Variants in FRMD4B observed in about 807,000 individuals in gnomAD.
FRMD4B encodes FERM domain-containing protein 4B.
A neutral mutation model predicts 141.5 loss-of-function variants in FRMD4B; 74 were observed. The observed-to-expected ratio is 0.52, with a 90% confidence interval of 0.43 to 0.63. The LOEUF is 0.63. Ranked by LOEUF, FRMD4B falls within the 30% of genes least tolerant of loss-of-function variation. The pLI, the probability that FRMD4B is intolerant of heterozygous loss-of-function variation, is 0.00. For missense variants in FRMD4B, 1,366 were observed against 1,253.4 expected (o/e 1.09, Z -1.36); for synonymous variants, 506 against 467.9 (o/e 1.08, Z -1.05).
intron 7 of FRMD4B, among the ~76,000 whole-genome samples, chr3:69,229,382 G>C (rs749711853): frequency 3.9e-5 from 6 of 152,092 alleles, no homozygotes; most frequent in East Asian, 1.9e-4. Flanking sequence ...GTTAGAAAAG[G>C]CTCCTGTTAA....
intron 1 of FRMD4B, among the ~76,000 whole-genome samples, chr3:69,452,105 A>C (rs550505699): frequency 1.3e-5 from 2 of 152,396 alleles, no homozygotes; most frequent in South Asian, 2.1e-4. Context: ...TAGGAGGAAG[A>C]AGCATCATCA....
At chr3:69,492,906 C>G (rs1299489014) in intron 1 of FRMD4B, among the ~76,000 whole-genome samples, 5 of 152,208 alleles carry the variant, frequency 3.3e-5, no homozygotes, top group Non-Finnish European at 5.9e-5. Context: ...CTAAGCATGA[C>G]ATATACTCTA....
At chr3:69,518,984 C>G (rs35339106) in intron 1 of FRMD4B, among the ~76,000 whole-genome samples, 51,448 of 152,038 alleles carry the variant, frequency 0.34, 9,664 homozygotes, top group African/African-American at 0.5. Context: ...ACCTCAGATT[C>G]CCCTCTGAAG....
At chr3:69,270,751 A>G (rs2093590919) in intron 5 of FRMD4B, among the ~76,000 whole-genome samples, 1 of 151,878 alleles carries the variant, frequency 6.6e-6, no homozygotes, top group Admixed American at 6.6e-5. Context: ...TTTTTAGTAG[A>G]GACAGGCTTT....
chr3:69,258,283 A>AT (rs113191660), intron 5 of FRMD4B, among the ~76,000 whole-genome samples: 11 of 151,986 alleles, frequency 7.2e-5, no homozygotes, highest in Non-Finnish European at 1.3e-4. Flanking sequence ...TCAGTATTTA[A>AT]TTTTTTTTAT....
At chr3:69,374,899 G>A (rs1018767445) in intron 1 of FRMD4B, among the ~76,000 whole-genome samples, 44 of 152,170 alleles carry the variant, frequency 2.9e-4, no homozygotes, top group South Asian at 1.9e-3. Context: ...AAGCTTCAAA[G>A]GTTAAGAAAT....
intron 1 of FRMD4B, among the ~76,000 whole-genome samples, chr3:69,493,418 A>C (rs572658073): frequency 6.6e-6 from 1 of 152,224 alleles, no homozygotes; most frequent in Admixed American, 6.5e-5. Context: ...TCCTGCCTTA[A>C]TCATTTAAAA....
At chr3:69,294,289 C>T (rs35186117) in intron 4 of FRMD4B, among the ~76,000 whole-genome samples, 74,356 of 152,006 alleles carry the variant, frequency 0.49, 18,630 homozygotes, top group Non-Finnish European at 0.54. Flanking sequence ...ACATTCTGAG[C>T]GGGGAGATCT....
At chr3:69,273,839 A>G (rs2106946186) in intron 5 of FRMD4B, among the ~76,000 whole-genome samples, 1 of 152,180 alleles carries the variant, frequency 6.6e-6, no homozygotes, top group Admixed American at 6.5e-5. Context: ...CATAATAGGA[A>G]GAATTAGAAG....
At chr3:69,370,821 C>T (rs1703802787) in intron 1 of FRMD4B, among the ~76,000 whole-genome samples, 1 of 152,232 alleles carries the variant, frequency 6.6e-6, no homozygotes, top group Non-Finnish European at 1.5e-5. Context: ...CTCCTGACCG[C>T]TCTTATGCCT....
intron 5 of FRMD4B, among the ~76,000 whole-genome samples, chr3:69,283,110 G>A (rs73101757): frequency 0.48 from 73,067 of 151,752 alleles, 17,888 homozygotes; most frequent in Admixed American, 0.53. Flanking sequence ...CAGGCCAGGC[G>A]CTGTGGCTCA....
chr3:69,189,007 A>G (rs1351472494), intron 18 of FRMD4B, among the ~76,000 whole-genome samples: 1 of 151,996 alleles, frequency 6.6e-6, no homozygotes, highest in Non-Finnish European at 1.5e-5. Context: ...AGATCACCTT[A>G]GGTCAGGAGT....
chr3:69,187,806 G>C lies in FRMD4B; in HGVS notation c.1883C>G (p.Ser628Cys). Residue 628 changes from serine (S) to cysteine (C), a missense_variant, in exon 19 of 23, where the codon TCC (serine) becomes TGC (cysteine). Transcript: ENST00000398540. ...GGTATCCACAAACTGTTCATTGATG[G>C]ACGACTTTCTGAAATGGATTCGCTC... ...GIERIHFRKS[S>C]INEQFVDTRQ... 6.2e-7 allele frequency: 1 copy of C among 1,612,426 alleles called. No individual in the cohort carries two copies. Among genetic ancestry groups the C allele is most frequent in the Non-Finnish European group, 8.5e-7 (1 of 1,178,880 alleles).
At position 69,189,884 on chromosome 3, in the gene FRMD4B, A is replaced by C. The variant is rs913455718; in HGVS notation, c.1771+12T>G. On this transcript the variant is annotated intron_variant, in intron 18 of 22. Coordinates refer to ENST00000398540, the MANE Select transcript of FRMD4B (RefSeq NM_015123.3). The stretch of plus-strand genomic sequence containing the variant: ...CTAACATTTTTAAACCAAAAAAGGA[A>C]GAGCCACTTACGATCATCATAGGTG... 3 of 1,542,068 alleles carry C rather than the reference A, an allele frequency of 1.9e-6. No individual in the cohort carries two copies. The highest frequency in any genetic ancestry group is 2.7e-5 in the African/African-American group (2 of 73,588).
intron 2 of FRMD4B, among the ~76,000 whole-genome samples, chr3:69,417,420 A>G (rs1704887457): frequency 6.6e-6 from 1 of 152,106 alleles, no homozygotes; most frequent in African/African-American, 2.4e-5. Context: ...TGTAAATTTA[A>G]GTTCTTTGTA....
intron 2 of FRMD4B, among the ~76,000 whole-genome samples, chr3:69,401,573 AG>A (rs1704563921): frequency 6.6e-6 from 1 of 152,126 alleles, no homozygotes; most frequent in Admixed American, 6.6e-5. Flanking sequence ...TTTCTGAGTC[AG>A]GGTCTCACTC....
chr3:69,483,025 A>G (rs992231591), intron 1 of FRMD4B, among the ~76,000 whole-genome samples: 3 of 152,212 alleles, frequency 2.0e-5, no homozygotes, highest in African/African-American at 7.2e-5. Context: ...ATAATGTTCA[A>G]TTTTAGGCTA....
At chr3:69,425,516 C>A (rs1705061888) in intron 2 of FRMD4B, among the ~76,000 whole-genome samples, 1 of 152,232 alleles carries the variant, frequency 6.6e-6, no homozygotes, top group Admixed American at 6.5e-5. Flanking sequence ...TGCTGGCCAG[C>A]CTCCACCTAA....
intron 7 of FRMD4B, among the ~76,000 whole-genome samples, chr3:69,245,628 T>G (rs534658054): frequency 1.3e-5 from 2 of 151,510 alleles, no homozygotes; most frequent in African/African-American, 4.8e-5. Context: ...ATTACAGAAG[T>G]GAGCCATTGC....
Sources: gnomAD v4.1 joint callset for allele counts (sites outside exome capture counted in the v4.1 genomes callset) on GRCh38, gnomAD v4.1.1 for gene constraint, MANE v1.5 for transcripts, NCBI Gene and HGNC (gene_info 2026-07-23, HGNC 2026-07-21) for gene names.